The following GMCL1 variants were observed in gnomAD, a reference collection of about 807,000 sequenced individuals.
GMCL1 encodes the protein germ cell-less protein-like 1.
A neutral mutation model predicts 75.5 loss-of-function variants in GMCL1; 54 were observed. That is an observed-to-expected ratio of 0.71 (90% confidence interval 0.57 to 0.90). The LOEUF (loss-of-function observed/expected upper bound fraction) is 0.90, where lower values mean the gene tolerates loss of function less well. Ranked by LOEUF, GMCL1 falls within the 40% of genes least tolerant of loss-of-function variation. GMCL1 has a pLI of 0.00. For missense variants in GMCL1, 537 were observed against 622.7 expected, an observed-to-expected ratio of 0.86 and a Z score of 1.47; for synonymous variants, 210 against 209.6, an observed-to-expected ratio of 1.00 and a Z score of -0.02.
At chr2:69,833,303 G>A (rs975070176) in intron 1 of GMCL1, among the ~76,000 whole-genome samples, 4 of 152,030 alleles carry the variant, frequency 2.6e-5, no homozygotes, top group South Asian at 2.1e-4. Flanking sequence ...AGCCCAATAC[G>A]GATGCAGGGT....
intron 8 of GMCL1, among the ~76,000 whole-genome samples, chr2:69,851,694 G>A (rs1264994242): frequency 1.3e-5 from 2 of 152,060 alleles, no homozygotes; most frequent in African/African-American, 4.8e-5. Flanking sequence ...CCCTGGGGGT[G>A]TCAGGGCTGC....
At chr2:69,865,797 T>C (rs186557282) in intron 11 of GMCL1, among the ~76,000 whole-genome samples, 27 of 152,316 alleles carry the variant, frequency 1.8e-4, no homozygotes, top group African/African-American at 5.8e-4. Flanking sequence ...AGAGACAGGC[T>C]CTCCCTCTGT....
chr2:69,872,681 C>T (rs1676016117), intron 13 of GMCL1, among the ~76,000 whole-genome samples: 1 of 152,090 alleles, frequency 6.6e-6, no homozygotes, highest in Non-Finnish European at 1.5e-5. Flanking sequence ...TCTAACTGAC[C>T]CCCATCTTAC....
chr2:69,854,800 T>C (rs758022169), intron 8 of GMCL1, 23 bp from the exon 9 acceptor site: 2 of 1,595,384 alleles, frequency 1.3e-6, no homozygotes, highest in Non-Finnish European at 1.7e-6. Flanking sequence ...GAATGGCTGT[T>C]TAACTTACAT....
intron 11 of GMCL1, among the ~76,000 whole-genome samples, chr2:69,867,025 G>A (rs1027765093): frequency 1.3e-5 from 2 of 151,284 alleles, no homozygotes; most frequent in Admixed American, 6.6e-5. Context: ...ACTCACTGAA[G>A]CCTTGACTTC....
intron 9 of GMCL1, among the ~76,000 whole-genome samples, chr2:69,859,013 G>A (rs539724730): frequency 6.6e-6 from 1 of 152,076 alleles, no homozygotes; most frequent in Non-Finnish European, 1.5e-5. Context: ...AGGTGTGGTG[G>A]CACATGCCTG....
intron 4 of GMCL1, 159 bp from the exon 5 acceptor site, chr2:69,842,990 T>TA (rs75708775): frequency 0.11 from 22,810 of 213,186 alleles, 74 homozygotes; most frequent in East Asian, 0.17. Context: ...TTGGACTTGT[T>TA]AAAAAAAAAA....
At position 69,854,946 on chromosome 2, in the gene GMCL1, C is replaced by G; in HGVS notation, c.1058C>G (p.Ala353Gly). 6.2e-7 allele frequency: 1 copy of G among 1,603,256 alleles called. No individual in the cohort carries two copies. Among genetic ancestry groups the G allele is most frequent in the Non-Finnish European group, 8.5e-7 (1 of 1,174,010 alleles). The change falls in exon 9 of 14, where the codon GCT (alanine) becomes GGT (glycine). Residue 353 changes from alanine to glycine, a missense_variant. By Grantham distance (60) the Ala-to-Gly change is moderately conservative (BLOSUM62 0). This residue lies in a region of GMCL1 where 345 missense variants were observed against 410.5 expected (regional missense o/e 0.84). Transcript: ENST00000282570. Reference protein sequence around the residue: ...LASARIIEQDAVVPSEWLSSV... With the variant: ...LASARIIEQDGVVPSEWLSSV... ...TCTGCAAGAATTATTGAACAAGATG[C>G]TGTAGTACCTTCAGGTAAGAGAACA...
rs145659344 is a variant in GMCL1 at position 69,851,375 on chromosome 2, G to T, written c.934+1633G>T. ...GCCTGTACTCCCAGCGCTTTGGGAG[G>T]CTGAGGTGGGCAGATCACAAGGTCA... is the stretch of plus-strand genomic sequence containing the variant. On this transcript the variant is annotated intron_variant, in intron 8 of 13. Coordinates refer to ENST00000282570, the MANE Select transcript of GMCL1 (RefSeq NM_178439.5). Among the ~76,000 whole-genome samples, 976 of 152,284 alleles carry T rather than the reference G, an allele frequency of 6.4e-3. 11 individuals carry two copies. Among genetic ancestry groups the T allele is most frequent in the African/African-American group, 0.022 (931 of 41,562 alleles).
In GMCL1 at chr2:69,847,644, A is replaced by G. The variant is rs779158931; in HGVS notation, c.843+17A>G. 3 of 1,454,560 alleles carry G rather than the reference A, an allele frequency of 2.1e-6. No homozygotes were observed. Among genetic ancestry groups the G allele is most frequent in the African/African-American group, 1.4e-5 (1 of 71,778 alleles). The allele number at this position is 1,454,560 out of a possible 1,614,324, so 90.1% of individuals were successfully genotyped here. On this transcript the variant is annotated intron_variant, in intron 7 of 13. Coordinates refer to ENST00000282570, the MANE Select transcript of GMCL1 (RefSeq NM_178439.5). The stretch of plus-strand genomic sequence containing the variant: ...CTAAAAAAGGTACTGACGTAATATG[A>G]TGTCATATTATACAAGGATGTCACC...
chr2:69,844,270 T>C (rs1675070691), intron 6 of GMCL1, 74 bp downstream of exon 6: 1 of 834,238 alleles, frequency 1.2e-6, no homozygotes, highest in African/African-American at 1.8e-5. Context: ...GTACATAACA[T>C]TTTTGTAGAA....
chr2:69,829,920 C>T lies in GMCL1; in HGVS notation c.28C>T (p.Arg10Cys). The T allele has an allele frequency of 6.2e-7, 1 of 1,603,134 alleles. No individual in the cohort carries two copies. The highest frequency in any genetic ancestry group is 8.5e-7 in the Non-Finnish European group (1 of 1,175,164). ...GGGATCGTTGAGCAGCCGGGTGCTG[C>T]GCCAGCCAAGACCAGCCCTTGCCCA... MGSLSSRVL[R>C]QPRPALAQQA... The change falls in exon 1 of 14, where the codon CGC becomes TGC. Residue 10 changes from arginine (R) to cysteine (C), a missense_variant. Around this residue, in one of 3 missense-constraint regions of GMCL1, gnomAD observed 144 missense variants for 127.2 expected, o/e 1.13. Transcript: ENST00000282570.
intron 10 of GMCL1, among the ~76,000 whole-genome samples, chr2:69,862,793 A>G (rs1359511307): frequency 2.0e-5 from 3 of 152,174 alleles, no homozygotes; most frequent in Non-Finnish European, 4.4e-5. Context: ...TACAAATAAT[A>G]AATTGAAATC....
At chr2:69,832,713 T>C (rs1157035636) in intron 1 of GMCL1, among the ~76,000 whole-genome samples, 1 of 152,244 alleles carries the variant, frequency 6.6e-6, no homozygotes, top group Non-Finnish European at 1.5e-5. Flanking sequence ...CAATCTAACC[T>C]TTCAATTAGT....
chr2:69,842,130 G>A (rs770948363), intron 4 of GMCL1, among the ~76,000 whole-genome samples: 3 of 152,160 alleles, frequency 2.0e-5, no homozygotes, highest in Non-Finnish European at 4.4e-5. Flanking sequence ...TGTTGCATTC[G>A]TCCAAGGGAG....
At chr2:69,848,362 A>C (rs907386568) in intron 7 of GMCL1, among the ~76,000 whole-genome samples, 1 of 152,172 alleles carries the variant, frequency 6.6e-6, no homozygotes, top group Non-Finnish European at 1.5e-5. Context: ...AAATTTTGTT[A>C]CTGTTTTTCT....
rs1389535004 is a variant in GMCL1 at position 69,854,812 on chromosome 2, G to A, written c.935-11G>A. 1 of 1,599,768 alleles carries A rather than the reference G, an allele frequency of 6.3e-7. No homozygotes were observed. Among genetic ancestry groups the A allele is most frequent in the Non-Finnish European group, 8.5e-7 (1 of 1,175,496 alleles). On this transcript the variant is annotated splice_polypyrimidine_tract_variant and intron_variant, in intron 8 of 13. Coordinates refer to ENST00000282570, the MANE Select transcript of GMCL1 (RefSeq NM_178439.5). ...AAAGAATGGCTGTTTAACTTACATG[G>A]TTTTTTATAGATTTTGAAGGTATGG...
intron 7 of GMCL1, among the ~76,000 whole-genome samples, chr2:69,848,481 C>T (rs1227849651): frequency 3.9e-5 from 6 of 152,152 alleles, no homozygotes; most frequent in Admixed American, 1.3e-4. Context: ...CCCAGGCTGG[C>T]GGATCGCTTG....
At chr2:69,847,520 C>T (rs765270490) in intron 6 of GMCL1, 23 bp from the exon 7 acceptor site, 6 of 1,441,750 alleles carry the variant, frequency 4.2e-6, no homozygotes, top group South Asian at 1.1e-5. Flanking sequence ...GATAAGCTCA[C>T]TCCCTCTATT....
Sources: gnomAD v4.1 joint callset for allele counts (sites outside exome capture counted in the v4.1 genomes callset) on GRCh38, gnomAD v4.1.1 for gene constraint, gnomAD v4.1.1 regional missense constraint, MANE v1.5 for transcripts, NCBI Gene and HGNC (gene_info 2026-07-23, HGNC 2026-07-21) for gene names.